Variants in SCN11A observed in about 807,000 individuals in gnomAD.
The protein encoded by SCN11A is sodium channel protein type 11 subunit alpha.
Under a neutral mutation model 162.2 loss-of-function variants are expected in SCN11A, and 122 were observed. The ratio of observed to expected loss-of-function variants is 0.75; its 90% CI spans 0.65 to 0.87. The LOEUF (loss-of-function observed/expected upper bound fraction) is 0.87, where lower values mean the gene tolerates loss of function less well. Ranked by LOEUF, SCN11A falls within the 40% of genes least tolerant of loss-of-function variation. SCN11A has a pLI of 0.00. For missense variants in SCN11A, 2,015 were observed against 2,181.6 expected (o/e 0.92, Z 1.52); for synonymous variants, 758 against 751.5 (o/e 1.01, Z -0.14).
chr3:38,875,309 A>G (rs1432147229), intron 23 of SCN11A, among the ~76,000 whole-genome samples: 1 of 152,112 alleles, frequency 6.6e-6, no homozygotes, highest in Non-Finnish European at 1.5e-5. Flanking sequence ...TGTTTATCTC[A>G]TTAAATAAAT....
intron 2 of SCN11A, among the ~76,000 whole-genome samples, chr3:38,998,693 G>A (rs994314308): frequency 2.0e-5 from 3 of 150,816 alleles, no homozygotes; most frequent in African/African-American, 4.9e-5. Context: ...TTAAGAAAAT[G>A]TGGCACATAT....
intron 2 of SCN11A, among the ~76,000 whole-genome samples, chr3:38,962,303 C>T (rs1559557800): frequency 2.0e-5 from 3 of 152,080 alleles, no homozygotes; most frequent in South Asian, 2.1e-4. Flanking sequence ...GGTAGTGTGA[C>T]GCCTCCAGAT....
rs1341486569 is a variant in SCN11A, at chr3:38,999,453, TC to T, written c.-280+32926del. ...AAGGACTTCACTTTTCTCCAGGACC[TC>T]TCCTAACCCTTTGAATTTCTAATTA... On this transcript the variant is annotated intron_variant, in intron 2 of 29. Coordinates refer to ENST00000302328, the MANE Select transcript of SCN11A (RefSeq NM_001349253.2). 3.3e-5 allele frequency among the ~76,000 whole-genome samples: 5 copies of T among 152,336 alleles called. No individual in the cohort carries two copies. In the East Asian group the frequency reaches 9.6e-4, roughly 29 times the overall value.
chr3:38,938,529 T>C lies in SCN11A; in HGVS notation c.488+6882A>G, dbSNP rs1454168079. On this transcript the variant is annotated intron_variant, in intron 7 of 29. Transcript: ENST00000302328. Reference sequence around the variant, plus strand: ...AATATCATATATATATATATATATATATATATATATATATATATATATTTT... The same window carrying C: ...AATATCATATATATATATATATATACATATATATATATATATATATATTTT... 5.5e-4 allele frequency among the ~76,000 whole-genome samples: 10 copies of C among 18,306 alleles called. 1 individual carries two copies. The highest frequency in any genetic ancestry group is 3.2e-3 in the African/African-American group (10 of 3,130). 12.0% of individuals were successfully genotyped at this position (18,306 alleles called of 152,430 possible). A position where few individuals can be genotyped will look rare whatever the true frequency, so the allele number is the denominator to read the frequency against.
intron 13 of SCN11A, among the ~76,000 whole-genome samples, chr3:38,908,467 T>C (rs1294713739): frequency 2.0e-5 from 3 of 152,162 alleles, no homozygotes; most frequent in Non-Finnish European, 4.4e-5. Context: ...ACAAATCTTA[T>C]AGAGGATCAG....
intron 7 of SCN11A, among the ~76,000 whole-genome samples, chr3:38,929,156 CACACACACACACACACAT>C (rs2066197796): frequency 1.5e-5 from 2 of 130,312 alleles, no homozygotes; most frequent in East Asian, 2.4e-4. Flanking sequence ...CACACACACA[CACACACACACACACACAT>C]GTTTGGGACT....
intron 7 of SCN11A, 52 bp downstream of exon 7, chr3:38,945,359 A>T: frequency 8.8e-7 from 1 of 1,132,232 alleles, no homozygotes; most frequent in Non-Finnish European, 1.3e-6. Flanking sequence ...TAACTGTCTT[A>T]GGTATATTTG....
At chr3:38,896,563 T>C (rs1286621667) in intron 18 of SCN11A, among the ~76,000 whole-genome samples, 1 of 152,224 alleles carries the variant, frequency 6.6e-6, no homozygotes, top group African/African-American at 2.4e-5. Context: ...CTAACTCCTA[T>C]TTCAGCCAAT....
At position 38,925,370 on chromosome 3, in the gene SCN11A, A is replaced by G. The variant is rs55689417; in HGVS notation, c.712+45T>C. On this transcript the variant is annotated intron_variant, in intron 9 of 29. Transcript: ENST00000302328. ...TGAAAAAATTTAAATATAAATTAACATTCTTTCTAGATAGGAGCCAGTGTG... is the reference window on the plus strand; with the variant it reads ...TGAAAAAATTTAAATATAAATTAACGTTCTTTCTAGATAGGAGCCAGTGTG... The G allele has an allele frequency of 1.1e-3, 1,420 of 1,267,610 alleles. 18 individuals carry two copies. In the African/African-American group the frequency reaches 0.017, roughly 15 times the overall value. The allele number at this position is 1,267,610 out of a possible 1,614,324, so 78.5% of individuals were successfully genotyped here.
At chr3:38,983,202 A>C (rs2030121409) in intron 2 of SCN11A, among the ~76,000 whole-genome samples, 1 of 152,092 alleles carries the variant, frequency 6.6e-6, no homozygotes, top group Non-Finnish European at 1.5e-5. Flanking sequence ...TGGCCCCTGC[A>C]TTAGATGGCC....
intron 17 of SCN11A, among the ~76,000 whole-genome samples, chr3:38,897,436 G>C (rs1486893821): frequency 2.0e-5 from 3 of 152,192 alleles, no homozygotes; most frequent in Non-Finnish European, 4.4e-5. Context: ...GGAAACATTG[G>C]CCGGGCACAG....
chr3:38,963,384 T>TCTCC (rs2066756752), intron 2 of SCN11A, among the ~76,000 whole-genome samples: 1 of 77,286 alleles, frequency 1.3e-5, no homozygotes, highest in Non-Finnish European at 2.3e-5. Flanking sequence ...TATATATATA[T>TCTCC]ATGATGGAGA....
At chr3:38,915,392 G>A (rs2065945512) in intron 11 of SCN11A, among the ~76,000 whole-genome samples, 1 of 151,928 alleles carries the variant, frequency 6.6e-6, no homozygotes, top group African/African-American at 2.4e-5. Flanking sequence ...TTTCCATTGT[G>A]ATGTGACATT....
chr3:38,968,251 T>C (rs2066794914), intron 2 of SCN11A, among the ~76,000 whole-genome samples: 1 of 152,190 alleles, frequency 6.6e-6, no homozygotes, highest in East Asian at 1.9e-4. Context: ...CCACCATGTT[T>C]ACATGCTGCT....
intron 2 of SCN11A, among the ~76,000 whole-genome samples, chr3:39,022,678 T>A (rs2031480584): frequency 6.6e-6 from 1 of 152,050 alleles, no homozygotes; most frequent in African/African-American, 2.4e-5. Context: ...GTCCAGGAGT[T>A]TGAGACCAGC....
intron 28 of SCN11A, among the ~76,000 whole-genome samples, chr3:38,862,185 G>T (rs1406299100): frequency 1.3e-5 from 2 of 151,766 alleles, no homozygotes; most frequent in African/African-American, 2.4e-5. Context: ...AACCACAATG[G>T]GATGCCACCT....
Position 38,850,689 on chromosome 3 carries a change from T to TA in SCN11A, c.4118dup (p.Ser1374LysfsTer9). 1 of 1,613,428 alleles carries TA rather than the reference T, an allele frequency of 6.2e-7. No individual in the cohort carries two copies. The highest frequency in any genetic ancestry group is 8.5e-7 in the Non-Finnish European group (1 of 1,179,410). ...TAATCATGTTTAGGATAATGAGACT[T>TA]ATGATGATGATGTCAAAGATCTGGC... On this transcript the variant is annotated frameshift_variant, in exon 29 of 30. Coordinates refer to ENST00000302328, the MANE Select transcript of SCN11A (RefSeq NM_001349253.2). LOFTEE classifies it high-confidence loss of function.
intron 4 of SCN11A, 62 bp from the exon 5 acceptor site, chr3:38,950,431 C>T (rs1474830922): frequency 2.0e-6 from 3 of 1,536,502 alleles, no homozygotes; most frequent in Non-Finnish European, 2.7e-6. Flanking sequence ...ATAAAACAGC[C>T]TGCCCTAGGA....
chr3:39,011,037 G>A (rs917983262), intron 2 of SCN11A, among the ~76,000 whole-genome samples: 1 of 152,180 alleles, frequency 6.6e-6, no homozygotes, highest in Non-Finnish European at 1.5e-5. Context: ...GGGTCTGCTT[G>A]TCTGGCACAG....
Sources: allele counts gnomAD v4.1 joint callset (sites outside exome capture counted in the v4.1 genomes callset), GRCh38; gene constraint gnomAD v4.1.1; transcripts MANE v1.5; gene names NCBI Gene and HGNC (gene_info 2026-07-23, HGNC 2026-07-21).